Variants in GRID2 observed in about 807,000 individuals in gnomAD.
The protein encoded by GRID2 is glutamate receptor ionotropic, delta-2.
In GRID2, 33 loss-of-function variants were observed where a neutral mutation model predicts 114.8. The ratio of observed to expected loss-of-function variants is 0.29; its 90% CI spans 0.22 to 0.38. The LOEUF is 0.38. GRID2 is among the 10% of genes least tolerant of loss of function. The probability of loss-of-function intolerance (pLI) is 1.00; values close to 1 mark genes in which losing one functional copy is unlikely to be tolerated. For synonymous variants in GRID2, 505 were observed against 449.9 expected (o/e 1.12, Z -1.55); for missense variants, 1,184 against 1,257.7 (o/e 0.94, Z 0.89).
At chr4:92,794,738 G>T (rs1482646841) in intron 2 of GRID2, among the ~76,000 whole-genome samples, 1 of 151,208 alleles carries the variant, frequency 6.6e-6, no homozygotes. Context: ...AACAACATAA[G>T]GTCTAGGGGC....
intron 1 of GRID2, among the ~76,000 whole-genome samples, chr4:92,440,614 G>T (rs374805127): frequency 6.6e-6 from 1 of 151,818 alleles, no homozygotes; most frequent in Non-Finnish European, 1.5e-5. Context: ...AGATTTCCAC[G>T]ATGGAAAGGA....
At chr4:93,012,701 C>A (rs1722300556) in intron 2 of GRID2, among the ~76,000 whole-genome samples, 1 of 151,888 alleles carries the variant, frequency 6.6e-6, no homozygotes, top group Non-Finnish European at 1.5e-5. Flanking sequence ...CTATTAAAAT[C>A]TCTACAAGTT....
intron 2 of GRID2, among the ~76,000 whole-genome samples, chr4:92,870,871 T>C (rs1342011397): frequency 6.6e-6 from 1 of 152,206 alleles, no homozygotes; most frequent in Admixed American, 6.5e-5. Context: ...TTTATAACTT[T>C]AGTGACAGGA....
intron 14 of GRID2, among the ~76,000 whole-genome samples, chr4:93,684,388 T>C (rs1725885787): frequency 6.6e-6 from 1 of 152,148 alleles, no homozygotes. Context: ...TGACATAATA[T>C]ATTGATGCTG....
chr4:92,807,711 G>A lies in GRID2; in HGVS notation c.244+217425G>A, dbSNP rs142717435. 3.4e-3 allele frequency among the ~76,000 whole-genome samples: 510 copies of A among 151,990 alleles called. 1 individual carries two copies. The highest frequency in any genetic ancestry group is 0.014 in the Middle Eastern group (4 of 294). On this transcript the variant is annotated intron_variant, in intron 2 of 15. Coordinates refer to ENST00000282020, the MANE Select transcript of GRID2 (RefSeq NM_001510.4). ...AGATATGCTGAAGAAATAATAAGAC[G>A]GAAGAGAATCAGCAGGGGTAGGATA... is the stretch of plus-strand genomic sequence containing the variant.
chr4:93,514,199 A>G (rs1005188733), intron 12 of GRID2, among the ~76,000 whole-genome samples: 33 of 152,094 alleles, frequency 2.2e-4, no homozygotes, highest in African/African-American at 7.7e-4. Context: ...GTGGAATGAT[A>G]ACTGGTTCTT....
chr4:93,251,098 C>T (rs1368711), intron 8 of GRID2, among the ~76,000 whole-genome samples: 105,143 of 151,948 alleles, frequency 0.69, 36,931 homozygotes, highest in Middle Eastern at 0.85. Context: ...AACTCTGTGA[C>T]CTTGCATTCA....
intron 2 of GRID2, among the ~76,000 whole-genome samples, chr4:92,836,430 C>T (rs1315740084): frequency 1.8e-4 from 27 of 151,972 alleles, no homozygotes; most frequent in Admixed American, 1.8e-3. Context: ...ATAGTTTTGA[C>T]CTCATATGAC....
At chr4:92,862,793 T>A (rs1446010650) in intron 2 of GRID2, among the ~76,000 whole-genome samples, 1 of 152,096 alleles carries the variant, frequency 6.6e-6, no homozygotes, top group Non-Finnish European at 1.5e-5. Flanking sequence ...TAAAATGTAA[T>A]TATTTAGATA....
chr4:92,999,871 AT>A (rs1553964267), intron 2 of GRID2, among the ~76,000 whole-genome samples: 2 of 151,678 alleles, frequency 1.3e-5, no homozygotes, highest in Non-Finnish European at 3.0e-5. Context: ...TATATTTAAA[AT>A]ATGACAGGAT....
At chr4:93,339,758 T>C (rs1759455500) in intron 8 of GRID2, among the ~76,000 whole-genome samples, 1 of 152,116 alleles carries the variant, frequency 6.6e-6, no homozygotes. Context: ...AGAGGTGTAA[T>C]TGACTCACAG....
intron 8 of GRID2, among the ~76,000 whole-genome samples, chr4:93,260,617 C>T (rs1384105739): frequency 6.6e-6 from 1 of 151,722 alleles, no homozygotes; most frequent in Non-Finnish European, 1.5e-5. Flanking sequence ...GCAAAACACT[C>T]AAAATATAAG....
chr4:92,958,424 A>C (rs2149147603), intron 2 of GRID2, among the ~76,000 whole-genome samples: 1 of 152,132 alleles, frequency 6.6e-6, no homozygotes, highest in South Asian at 2.1e-4. Flanking sequence ...CTATTGATAC[A>C]GTTTTGTGAT....
chr4:93,614,870 C>A (rs1741433694), intron 13 of GRID2, among the ~76,000 whole-genome samples: 1 of 152,142 alleles, frequency 6.6e-6, no homozygotes, highest in African/African-American at 2.4e-5. Context: ...ATAACAACAG[C>A]AATAACATGT....
At chr4:93,364,654 T>A (rs1483650330) in intron 8 of GRID2, among the ~76,000 whole-genome samples, 1 of 151,950 alleles carries the variant, frequency 6.6e-6, no homozygotes, top group African/African-American at 2.4e-5. Context: ...TTTTTATAAA[T>A]GTTTTGTAGA....
At chr4:93,741,174 C>CATATATATATATATATATATATATATAT (rs376106965) in intron 14 of GRID2, among the ~76,000 whole-genome samples, 2 of 41,238 alleles carry the variant, frequency 4.8e-5, no homozygotes, top group African/African-American at 1.2e-4. Context: ...TATATATATA[C>CATATATATATATATATATATATATATAT]ATATATATAT....
intron 4 of GRID2, among the ~76,000 whole-genome samples, chr4:93,150,299 AC>A (rs1346233298): frequency 6.6e-6 from 1 of 152,160 alleles, no homozygotes; most frequent in African/African-American, 2.4e-5. Context: ...AGTACAGAAC[AC>A]CTTTAACCTA....
intron 2 of GRID2, among the ~76,000 whole-genome samples, chr4:92,932,847 T>C (rs1485815231): frequency 6.6e-6 from 1 of 151,384 alleles, no homozygotes; most frequent in Non-Finnish European, 1.5e-5. Context: ...TCTGTATGTA[T>C]GTGATCTGAT....
intron 8 of GRID2, among the ~76,000 whole-genome samples, chr4:93,252,954 A>G (rs1484853014): frequency 2.0e-5 from 3 of 152,124 alleles, no homozygotes; most frequent in Admixed American, 6.6e-5. Flanking sequence ...TTTTACATAT[A>G]ATAATAAAAC....
Sources: gnomAD v4.1 joint callset for allele counts (sites outside exome capture counted in the v4.1 genomes callset) on GRCh38, gnomAD v4.1.1 for gene constraint, MANE v1.5 for transcripts, NCBI Gene and HGNC (gene_info 2026-07-23, HGNC 2026-07-21) for gene names.